LAMA5: variants seen among roughly 807,000 people sequenced by gnomAD.
LAMA5 encodes the protein laminin subunit alpha-5.
A neutral mutation model predicts 433.4 loss-of-function variants in LAMA5; 260 were observed. The observed-to-expected ratio is 0.60, with a 90% CI of 0.54 to 0.66. The LOEUF (loss-of-function observed/expected upper bound fraction) is 0.66, where lower values mean the gene tolerates loss of function less well. LAMA5 is among the 30% of genes least tolerant of loss of function. LAMA5 has a pLI of 0.00. For missense variants in LAMA5, 5,378 were observed against 5,258.5 expected, an observed-to-expected ratio of 1.02 and a Z score of -0.70; for synonymous variants, 2,620 against 2,226.6, an observed-to-expected ratio of 1.18 and a Z score of -4.97.
intron 6 of LAMA5, among the ~76,000 whole-genome samples, chr20:62,350,101 G>A (rs921360445): frequency 6.6e-6 from 1 of 151,782 alleles, no homozygotes; most frequent in African/African-American, 2.4e-5. Context: ...AGGGAGAGCT[G>A]AGCTCAGTCC....
At position 62,334,254 on chromosome 20, in the gene LAMA5, A is replaced by G; in HGVS notation, c.2671T>C (p.Phe891Leu). The G allele has an allele frequency of 6.2e-7, 1 of 1,612,870 alleles. No individual in the cohort carries two copies. The highest frequency in any genetic ancestry group is 8.5e-7 in the Non-Finnish European group (1 of 1,179,870). The change falls in exon 22 of 80, where the codon TTT becomes CTT. Residue 891 changes from phenylalanine to leucine, a missense_variant. Phe to Leu is a conservative substitution (Grantham distance 22). Transcript: ENST00000252999. ...TCGAACTCGAGGGGGTTGAAGCCAA[A>G]GCGCACGGCGTGACCCTCAGGTGTG... ...AATPEGHAVR[F>L]GFNPLEFENF...
chr20:62,348,472 T>TG (rs1983703422), intron 6 of LAMA5, among the ~76,000 whole-genome samples: 1 of 152,026 alleles, frequency 6.6e-6, no homozygotes, highest in Admixed American at 6.6e-5. Flanking sequence ...CCGGGTGTGG[T>TG]GGCAGGTGCC....
chr20:62,311,743 G>T lies in LAMA5; in HGVS notation c.9677C>A (p.Pro3226His), dbSNP rs756056207. ...YVDDQLQQMK[P>H]HRGPPPELQP... is the part of the protein sequence containing the mutation. ...GAGCTCGGGGGGTGGTCCCCGGTGG[G>T]GCTTCATCTGCTGGAGCTGGTCATC... Residue 3226 changes from proline (P) to histidine (H), a missense_variant, in exon 71 of 80, where the codon CCC becomes CAC. Pro to His is a moderately conservative substitution (Grantham distance 77, BLOSUM62 -2). Transcript: ENST00000252999. 6.4e-7 allele frequency: 1 copy of T among 1,560,506 alleles called. No individual in the cohort carries two copies. Among genetic ancestry groups the T allele is most frequent in the Non-Finnish European group, 8.7e-7 (1 of 1,153,842 alleles).
intron 32 of LAMA5, 115 bp from the exon 33 acceptor site, chr20:62,329,368 GCCC>G: frequency 3.9e-5 from 2 of 51,682 alleles, no homozygotes; most frequent in African/African-American, 7.4e-5. Flanking sequence ...GGCAGCAGCA[GCCC>G]AGCCCAGCCC....
chr20:62,360,719 C>T (rs554036066), intron 2 of LAMA5, among the ~76,000 whole-genome samples: 281 of 148,612 alleles, frequency 1.9e-3, no homozygotes, highest in African/African-American at 6.5e-3. Context: ...TTCCTCTTCC[C>T]TCCGTATCAT....
In LAMA5 at chr20:62,324,311, G is replaced by A. The variant is rs1978871250; in HGVS notation, c.5644-107C>T. On this transcript the variant is annotated intron_variant, in intron 42 of 79. Transcript: ENST00000252999. This position sits in a 1 kb window ranked among gnomAD's most constrained non-coding sequence, Gnocchi z 4.4. ...TCAGACTCTGTGCCCAAGGCCAGAT[G>A]GTCCCCCACTGGGCAACACCCTTCC... The A allele has an allele frequency of 8.1e-6, 12 of 1,473,074 alleles. No homozygotes were observed. Among genetic ancestry groups the A allele is most frequent in the Non-Finnish European group, 9.2e-6 (10 of 1,084,690 alleles). 91.3% of individuals were successfully genotyped at this position (1,473,074 alleles called of 1,614,324 possible).
At chr20:62,364,425 G>A (rs1313553395) in intron 1 of LAMA5, among the ~76,000 whole-genome samples, 1 of 152,212 alleles carries the variant, frequency 6.6e-6, no homozygotes, top group Non-Finnish European at 1.5e-5. Context: ...CTTCCAGGAG[G>A]TCAGGGAAGC....
At chr20:62,319,844 G>A in intron 50 of LAMA5, 49 bp from the exon 51 acceptor site, 1 of 1,451,888 alleles carries the variant, frequency 6.9e-7, no homozygotes, top group Non-Finnish European at 9.4e-7. Flanking sequence ...GCGAGGGTCG[G>A]GGTGGCAAGG....
rs116660382 is a variant in LAMA5, at chr20:62,359,951, C to T, written c.450+2449G>A. On this transcript the variant is annotated intron_variant, in intron 2 of 79. Transcript: ENST00000252999. This position sits in a 1 kb window ranked among gnomAD's most constrained non-coding sequence, Gnocchi z 4.3. ...AGTGCCAGCCGCCCCCACCCCCGTCCCAGGGCATCCGCTCCAGATCCCAGA... is the reference window on the plus strand; with the variant it reads ...AGTGCCAGCCGCCCCCACCCCCGTCTCAGGGCATCCGCTCCAGATCCCAGA... Among the ~76,000 whole-genome samples, 2 of 151,464 alleles carry T rather than the reference C, an allele frequency of 1.3e-5. No homozygotes were observed. The highest frequency in any genetic ancestry group is 3.9e-4 in the East Asian group (2 of 5,080).
chr20:62,310,189 T>C lies in LAMA5; in HGVS notation c.10723A>G (p.Thr3575Ala), dbSNP rs200692830. ...TCTGCCAGGCTTACTTGCTTCTCGG[T>C]CACCTGCAACTGCAAGTAGGGGGGC... ...RTPPYLQLQV[T>A]EKQVLLRADD... The change falls in exon 77 of 80, where the codon ACC becomes GCC. Residue 3575 changes from threonine (T) to alanine (A), a missense_variant. By Grantham distance (58) the Thr-to-Ala change is moderately conservative (BLOSUM62 0). Coordinates refer to ENST00000252999, the MANE Select transcript of LAMA5 (RefSeq NM_005560.6). The C allele has an allele frequency of 2.5e-6, 4 of 1,612,462 alleles. No individual in the cohort carries two copies. Among genetic ancestry groups the C allele is most frequent in the African/African-American group, 1.3e-5 (1 of 75,046 alleles).
At chr20:62,343,816 C>T (rs1334849394) in intron 11 of LAMA5, among the ~76,000 whole-genome samples, 2 of 133,840 alleles carry the variant, frequency 1.5e-5, no homozygotes, top group Admixed American at 7.5e-5. Flanking sequence ...CAAGAAGATT[C>T]AAGCTTACAG....
chr20:62,316,281 C>T, intron 57 of LAMA5: 2 of 588,230 alleles, frequency 3.4e-6, no homozygotes, highest in Admixed American at 6.0e-5. Context: ...ATAGCTGTCC[C>T]CATTGTACAG....
In LAMA5 at chr20:62,352,950, C is replaced by A. The variant is rs899194869; in HGVS notation, c.568+184G>T. 5.6e-6 allele frequency: 3 copies of A among 535,050 alleles called. No individual in the cohort carries two copies. In the East Asian group the frequency reaches 9.8e-5, roughly 17 times the overall value. The allele number at this position is 535,050 out of a possible 1,614,324, so 33.1% of individuals were successfully genotyped here. A position where few individuals can be genotyped will look rare whatever the true frequency, so the allele number is the denominator to read the frequency against. On this transcript the variant is annotated intron_variant, in intron 3 of 79. Coordinates refer to ENST00000252999, the MANE Select transcript of LAMA5 (RefSeq NM_005560.6). The stretch of plus-strand genomic sequence containing the variant: ...AGCCCCTGGACTTGGCTGTGCCCGA[C>A]GCCAGGGACAGGAGCCAATAAATCC...
At chr20:62,343,031 G>C (rs6142735) in intron 11 of LAMA5, among the ~76,000 whole-genome samples, 34,450 of 152,104 alleles carry the variant, frequency 0.23, 4,029 homozygotes, top group African/African-American at 0.27. Context: ...TTTACACCAG[G>C]GATTAGCAAA....
In LAMA5 at chr20:62,334,278, T is replaced by A. The variant is rs1425125363; in HGVS notation, c.2647A>T (p.Thr883Ser). The A allele has an allele frequency of 1.9e-6, 3 of 1,612,172 alleles. No individual in the cohort carries two copies. The African/African-American group carries it at 4.0e-5, about 22-fold the overall frequency. The part of the protein sequence containing the change: ...HLRLELEEAA[T>S]PEGHAVRFGF... ...AAGCGCACGGCGTGACCCTCAGGTG[T>A]GGCAGCCTCCTCCAGCTCCAGGCGC... The change falls in exon 22 of 80, where the codon ACA becomes TCA. Residue 883 changes from threonine (T) to serine (S), a missense_variant. Coordinates refer to ENST00000252999, the MANE Select transcript of LAMA5 (RefSeq NM_005560.6).
In LAMA5 at chr20:62,317,756, C is replaced by T. The variant is rs771413439; in HGVS notation, c.7262G>A (p.Arg2421Gln). Residue 2421 changes from arginine to glutamine, a missense_variant, in exon 54 of 80, where the codon CGG becomes CAG. Physicochemically the swap from Arg to Gln is conservative, Grantham distance 43. Transcript: ENST00000252999. ...AGTGGCCTGCAGGGTGGCATTGTCC[C>T]GGGACAGCTCCTGCTTCCTTTGCTG... Reference protein sequence around the residue: ...EALQRKQELSRDNATLQATLH... With the variant: ...EALQRKQELSQDNATLQATLH... 2.4e-5 allele frequency: 38 copies of T among 1,602,332 alleles called. No individual in the cohort carries two copies. Among genetic ancestry groups the T allele is most frequent in the African/African-American group, 8.1e-5 (6 of 73,872 alleles).
Position 62,310,999 on chromosome 20 carries a change from A to G in LAMA5, c.10184T>C (p.Phe3395Ser). Reference sequence around the variant, plus strand: ...TGCAACGAAGTGGCCATTGCTCAGGAAGAGCGCCAGGGAGGGGCTGCCGGG... The same window carrying G: ...TGCAACGAAGTGGCCATTGCTCAGGGAGAGCGCCAGGGAGGGGCTGCCGGG... ...LRPGSPSLAL[F>S]LSNGHFVAQM... The change falls in exon 74 of 80, where the codon TTC (phenylalanine) becomes TCC (serine). Residue 3395 changes from phenylalanine to serine, a missense_variant. By Grantham distance (155) the Phe-to-Ser change is radical. Coordinates refer to ENST00000252999, the MANE Select transcript of LAMA5 (RefSeq NM_005560.6). The G allele has an allele frequency of 6.2e-7, 1 of 1,611,076 alleles. No individual in the cohort carries two copies. The highest frequency in any genetic ancestry group is 8.5e-7 in the Non-Finnish European group (1 of 1,179,176).
intron 1 of LAMA5, among the ~76,000 whole-genome samples, chr20:62,365,321 C>T (rs900138027): frequency 4.6e-5 from 7 of 152,248 alleles, no homozygotes; most frequent in Admixed American, 3.3e-4. Context: ...GGGGCCAGCA[C>T]GCTGTGCCCA....
In LAMA5 at chr20:62,312,996, G is replaced by A. The variant is rs201826530; in HGVS notation, c.8970C>T (p.Cys2990=). The A allele has an allele frequency of 8.0e-5, 126 of 1,582,034 alleles. No individual in the cohort carries two copies. The highest frequency in any genetic ancestry group is 1.5e-4 in the Admixed American group (9 of 58,242). Residue 2990 remains cysteine (C), a synonymous_variant, in exon 66 of 80, where the codon TGC becomes TGT. Coordinates refer to ENST00000252999, the MANE Select transcript of LAMA5 (RefSeq NM_005560.6). ...CGAGGCTGCCTTCTTGCACGGCCAAGCACAGGAACTGGCTCTGCAGAAACA... is the reference window on the plus strand; with the variant it reads ...CGAGGCTGCCTTCTTGCACGGCCAAACACAGGAACTGGCTCTGCAGAAACA... ...FFLKQQSQFL[C]LAVQEGSLVL... is the part of the protein sequence containing the mutation.
Sources: allele counts gnomAD v4.1 joint callset (sites outside exome capture counted in the v4.1 genomes callset), GRCh38; gene constraint gnomAD v4.1.1; non-coding constraint Gnocchi (gnomAD v3.1); transcripts MANE v1.5; gene names NCBI Gene and HGNC (gene_info 2026-07-23, HGNC 2026-07-21).